The following CTNND2 variants were observed in gnomAD, a reference collection of about 807,000 sequenced individuals.
The protein encoded by CTNND2 is catenin delta-2.
Under a neutral mutation model 144.4 loss-of-function variants are expected in CTNND2, and 22 were observed. The observed-to-expected ratio is 0.15, with a 90% CI of 0.11 to 0.22. The LOEUF (loss-of-function observed/expected upper bound fraction) is 0.22. Ranked by LOEUF, CTNND2 falls within the 10% of genes least tolerant of loss-of-function variation. CTNND2 has a pLI of 1.00. For missense variants in CTNND2, 1,353 were observed against 1,618.8 expected (o/e 0.84, Z 2.82); for synonymous variants, 751 against 695.6 (o/e 1.08, Z -1.25).
intron 3 of CTNND2, among the ~76,000 whole-genome samples, chr5:11,487,360 T>A (rs1768927442): frequency 6.6e-6 from 1 of 152,220 alleles, no homozygotes; most frequent in African/African-American, 2.4e-5. Flanking sequence ...TTCCTTTATG[T>A]CCAGAAATAT....
chr5:11,872,560 T>C (rs1735223679), intron 1 of CTNND2, among the ~76,000 whole-genome samples: 1 of 152,244 alleles, frequency 6.6e-6, no homozygotes, highest in Admixed American at 6.5e-5. Flanking sequence ...TTCCTGACTT[T>C]TTAATGATTG....
rs545376620 is a variant in CTNND2 at position 11,857,565 on chromosome 5, G to A, written c.37+46252C>T. ...AGGCCTGCAAATCTTGTCATTTGGA[G>A]CCAGAATAATGCACAAGGCTCTTGA... is the stretch of plus-strand genomic sequence containing the variant. On this transcript the variant is annotated intron_variant, in intron 1 of 21. Transcript: ENST00000304623. Among the ~76,000 whole-genome samples the A allele has an allele frequency of 4.6e-5, 7 of 152,246 alleles. No individual in the cohort carries two copies. In the South Asian group the frequency reaches 6.2e-4, roughly 14 times the overall value.
intron 18 of CTNND2, among the ~76,000 whole-genome samples, chr5:10,993,401 C>T (rs937319232): frequency 6.8e-4 from 103 of 152,240 alleles, no homozygotes; most frequent in African/African-American, 2.4e-3. Context: ...GGTAATTCCA[C>T]CCTCTCCACC....
chr5:11,793,086 C>T (rs923250489), intron 1 of CTNND2, among the ~76,000 whole-genome samples: 15 of 152,210 alleles, frequency 9.9e-5, no homozygotes, highest in African/African-American at 3.4e-4. Flanking sequence ...ACTAAGGTAA[C>T]TGATGTCGAT....
chr5:11,170,851 C>G (rs1271655059), intron 11 of CTNND2, among the ~76,000 whole-genome samples: 3 of 152,130 alleles, frequency 2.0e-5, no homozygotes, highest in Admixed American at 2.0e-4. Flanking sequence ...GAGGAGGCCT[C>G]ACAACCATGG....
intron 9 of CTNND2, among the ~76,000 whole-genome samples, chr5:11,251,873 A>T (rs1461836422): frequency 6.6e-6 from 1 of 152,226 alleles, no homozygotes; most frequent in East Asian, 1.9e-4. Flanking sequence ...TTGCTTATGT[A>T]AATGTTTTGA....
chr5:11,451,291 G>A (rs767521739), intron 3 of CTNND2, among the ~76,000 whole-genome samples: 2 of 151,954 alleles, frequency 1.3e-5, no homozygotes, highest in African/African-American at 4.8e-5. Context: ...AAGCTTCTAG[G>A]CATCACATTA....
intron 2 of CTNND2, among the ~76,000 whole-genome samples, chr5:11,596,963 A>G (rs1159597914): frequency 1.3e-5 from 2 of 152,158 alleles, no homozygotes; most frequent in Non-Finnish European, 2.9e-5. Context: ...CCTGAGAACA[A>G]GCTCTCATTT....
intron 9 of CTNND2, among the ~76,000 whole-genome samples, chr5:11,265,555 T>A (rs565096328): frequency 6.6e-6 from 1 of 152,206 alleles, no homozygotes; most frequent in African/African-American, 2.4e-5. Flanking sequence ...TTTTGCTGAA[T>A]CTTTTATTCC....
rs530794482 is a variant in CTNND2 at position 11,742,089 on chromosome 5, T to C, written c.38-9817A>G. ...GGGGTGAGGGATAAAAGACTACACA[T>C]TGGGTACAGTGTATACTGCTTGGGT... On this transcript the variant is annotated intron_variant, in intron 1 of 21. Transcript: ENST00000304623. Among the ~76,000 whole-genome samples, 12 of 151,946 alleles carry C rather than the reference T, an allele frequency of 7.9e-5. No homozygotes were observed. The East Asian group carries it at 1.4e-3, about 17-fold the overall frequency.
intron 3 of CTNND2, among the ~76,000 whole-genome samples, chr5:11,417,743 C>G (rs145674237): frequency 6.6e-6 from 1 of 152,192 alleles, no homozygotes; most frequent in Non-Finnish European, 1.5e-5. Flanking sequence ...TGGGATAGTA[C>G]CTGGTAATTT....
intron 3 of CTNND2, among the ~76,000 whole-genome samples, chr5:11,509,154 C>T (rs1203675966): frequency 6.6e-6 from 1 of 152,110 alleles, no homozygotes; most frequent in Non-Finnish European, 1.5e-5. Context: ...ATCAAATAAC[C>T]AAGTTTTAAT....
intron 18 of CTNND2, among the ~76,000 whole-genome samples, chr5:11,013,607 T>A (rs1741311818): frequency 1.3e-5 from 2 of 152,178 alleles, no homozygotes; most frequent in Admixed American, 1.3e-4. Flanking sequence ...AAGTTGCAAA[T>A]AATGAGATTT....
intron 3 of CTNND2, among the ~76,000 whole-genome samples, chr5:11,480,412 T>C (rs1427430017): frequency 6.6e-6 from 1 of 152,202 alleles, no homozygotes; most frequent in Non-Finnish European, 1.5e-5. Flanking sequence ...GTATATCTCC[T>C]GTGTGATCAT....
intron 3 of CTNND2, among the ~76,000 whole-genome samples, chr5:11,554,087 A>G (rs543881232): frequency 5.3e-5 from 8 of 152,194 alleles, no homozygotes; most frequent in African/African-American, 1.7e-4. Context: ...GAACTATTAT[A>G]CGCTTAATAT....
chr5:11,152,989 T>C lies in CTNND2; in HGVS notation c.2159+6587A>G, dbSNP rs1470292033. On this transcript the variant is annotated intron_variant, in intron 12 of 21. Coordinates refer to ENST00000304623, the MANE Select transcript of CTNND2 (RefSeq NM_001332.4). ...TTAAGAGTGCTGAATTCAGGCTGGG[T>C]GCATTGGCTCATTCCTGTAATCCCA... 3.9e-5 allele frequency among the ~76,000 whole-genome samples: 6 copies of C among 152,044 alleles called. No homozygotes were observed. The East Asian group carries it at 1.2e-3, about 29-fold the overall frequency.
chr5:11,256,461 G>C (rs1580724763), intron 9 of CTNND2, among the ~76,000 whole-genome samples: 1 of 152,162 alleles, frequency 6.6e-6, no homozygotes, highest in African/African-American at 2.4e-5. Context: ...AAACTCCAGA[G>C]AGCAGGGTTC....
At chr5:11,318,885 T>C (rs1238827638) in intron 9 of CTNND2, among the ~76,000 whole-genome samples, 2 of 151,812 alleles carry the variant, frequency 1.3e-5, no homozygotes, top group African/African-American at 2.4e-5. Context: ...TTTCTCTCTC[T>C]AACCCACCCC....
chr5:11,416,196 T>C (rs1581147880), intron 3 of CTNND2, among the ~76,000 whole-genome samples: 1 of 152,334 alleles, frequency 6.6e-6, no homozygotes, highest in South Asian at 2.1e-4. Context: ...GATTTTATGT[T>C]TAGGACTACA....
Sources: allele counts gnomAD v4.1 joint callset (sites outside exome capture counted in the v4.1 genomes callset), GRCh38; gene constraint gnomAD v4.1.1; transcripts MANE v1.5; gene names NCBI Gene and HGNC (gene_info 2026-07-23, HGNC 2026-07-21).